The following METTL25 variants were observed in gnomAD, a reference collection of about 807,000 sequenced individuals.
The protein encoded by METTL25 is probable methyltransferase-like protein 25.
Under a neutral mutation model 71.6 loss-of-function variants are expected in METTL25, and 64 were observed. The ratio of observed to expected loss-of-function variants is 0.89; its 90% CI spans 0.73 to 1.10. The LOEUF (loss-of-function observed/expected upper bound fraction) is 1.10, where lower values mean the gene tolerates loss of function less well. Among genes scored for constraint, METTL25 ranks in the 50% least tolerant of loss-of-function variants. The probability of loss-of-function intolerance (pLI) is 0.00; values close to 1 mark genes in which losing one functional copy is unlikely to be tolerated. For synonymous variants in METTL25, 287 were observed against 250.3 expected, an observed-to-expected ratio of 1.15 and a Z score of -1.38; for missense variants, 807 against 707.0, an observed-to-expected ratio of 1.14 and a Z score of -1.60.
chr12:82,369,306 C>T, intron 1 of METTL25: 1 of 262,064 alleles, frequency 3.8e-6, no homozygotes, highest in Non-Finnish European at 7.7e-6. Context: ...TCCAGTGTGT[C>T]CTGGTGTGTA....
At chr12:82,361,158 G>A (rs1881815437) in intron 1 of METTL25, among the ~76,000 whole-genome samples, 1 of 152,126 alleles carries the variant, frequency 6.6e-6, no homozygotes, top group Admixed American at 6.5e-5. Context: ...GGTGCTGATT[G>A]GTGCATTTAC....
intron 1 of METTL25, among the ~76,000 whole-genome samples, chr12:82,370,630 A>G (rs1157472501): frequency 3.3e-5 from 5 of 152,190 alleles, no homozygotes; most frequent in African/African-American, 9.6e-5. Flanking sequence ...AAGACCTTCA[A>G]TTATCAATTA....
At chr12:82,429,086 T>C (rs1262094505) in intron 5 of METTL25, among the ~76,000 whole-genome samples, 1 of 151,806 alleles carries the variant, frequency 6.6e-6, no homozygotes, top group African/African-American at 2.4e-5. Flanking sequence ...ATATACAATA[T>C]ATTGTTGTTA....
chr12:82,402,587 A>G (rs1886725833), intron 4 of METTL25, among the ~76,000 whole-genome samples: 1 of 152,216 alleles, frequency 6.6e-6, no homozygotes, highest in African/African-American at 2.4e-5. Context: ...TATTACTATG[A>G]AAATAAAAAC....
At chr12:82,471,987 A>T (rs898690980) in intron 9 of METTL25, among the ~76,000 whole-genome samples, 4 of 152,026 alleles carry the variant, frequency 2.6e-5, no homozygotes, top group Non-Finnish European at 5.9e-5. Flanking sequence ...CTTAATATGA[A>T]TTTTTCCTAT....
intron 1 of METTL25, among the ~76,000 whole-genome samples, chr12:82,386,085 T>C (rs1372256424): frequency 6.6e-6 from 1 of 152,124 alleles, no homozygotes; most frequent in Non-Finnish European, 1.5e-5. Context: ...CACACTAAGC[T>C]TATAGAAAGT....
intron 3 of METTL25, among the ~76,000 whole-genome samples, chr12:82,396,855 TTTTCA>T (rs549850361): frequency 1.6e-3 from 251 of 152,252 alleles, no homozygotes; most frequent in South Asian, 4.8e-3. Flanking sequence ...GTATGTAGAC[TTTTCA>T]TTTCAGTTCT....
intron 9 of METTL25, chr12:82,476,240 A>G (rs1892871731): frequency 6.2e-6 from 1 of 161,594 alleles, no homozygotes; most frequent in Non-Finnish European, 1.3e-5. Flanking sequence ...AACATATGCC[A>G]TTGTGTTCCT....
chr12:82,358,579 G>C lies in METTL25; in HGVS notation c.14G>C (p.Cys5Ser). Residue 5 changes from cysteine (C) to serine (S), a missense_variant, in exon 1 of 12, where the codon TGC (cysteine) becomes TCC (serine). Coordinates refer to ENST00000248306, the MANE Select transcript of METTL25 (RefSeq NM_032230.3). MAAS[C>S]PLPVTPDLPT... ...AGGGTGAGCGTCATGGCGGCTTCTT[G>C]CCCTCTCCCGGTGACCCCGGACCTG... The C allele has an allele frequency of 6.2e-7, 1 of 1,611,458 alleles. No individual in the cohort carries two copies. Among genetic ancestry groups the C allele is most frequent in the Non-Finnish European group, 8.5e-7 (1 of 1,179,872 alleles).
intron 5 of METTL25, among the ~76,000 whole-genome samples, chr12:82,428,094 A>AT (rs1237938666): frequency 6.6e-6 from 1 of 151,948 alleles, no homozygotes; most frequent in Non-Finnish European, 1.5e-5. Flanking sequence ...CAGAAAAGAA[A>AT]TTAAGTAAGC....
At chr12:82,364,177 G>A (rs961904134) in intron 1 of METTL25, among the ~76,000 whole-genome samples, 4 of 152,192 alleles carry the variant, frequency 2.6e-5, no homozygotes, top group African/African-American at 9.7e-5. Flanking sequence ...GGGATCTTAA[G>A]AGGTCACAGT....
intron 6 of METTL25, among the ~76,000 whole-genome samples, 155 bp downstream of exon 6, chr12:82,431,142 T>C (rs1459267079): frequency 6.6e-6 from 1 of 151,494 alleles, no homozygotes; most frequent in Non-Finnish European, 1.5e-5. Flanking sequence ...TGACTTGCCC[T>C]TTAAACAATA....
chr12:82,449,476 T>C (rs1282657556), intron 8 of METTL25, among the ~76,000 whole-genome samples: 1 of 152,214 alleles, frequency 6.6e-6, no homozygotes, highest in Non-Finnish European at 1.5e-5. Context: ...TTTGTGTGTT[T>C]TCTTGGAGTT....
At chr12:82,376,781 AG>A (rs34076512) in intron 1 of METTL25, among the ~76,000 whole-genome samples, 8 of 152,010 alleles carry the variant, frequency 5.3e-5, no homozygotes, top group Non-Finnish European at 1.2e-4. Context: ...TACTTTTTGG[AG>A]GGGGAGAGTC....
intron 6 of METTL25, among the ~76,000 whole-genome samples, chr12:82,431,258 T>G (rs1442959896): frequency 6.6e-6 from 1 of 151,520 alleles, no homozygotes; most frequent in African/African-American, 2.4e-5. Context: ...TGGTTTGTGT[T>G]TCTTTATAGC....
At chr12:82,362,726 G>C (rs1714321354) in intron 1 of METTL25, among the ~76,000 whole-genome samples, 1 of 152,218 alleles carries the variant, frequency 6.6e-6, no homozygotes, top group Non-Finnish European at 1.5e-5. Context: ...GTGGAGAAGA[G>C]AAGGTAAGAA....
At position 82,386,922 on chromosome 12, in the gene METTL25, G is replaced by T. The variant is rs753794756; in HGVS notation, c.379G>T (p.Glu127Ter). 1.2e-6 allele frequency: 2 copies of T among 1,613,354 alleles called. No individual in the cohort carries two copies. Among genetic ancestry groups the T allele is most frequent in the East Asian group, 4.5e-5 (2 of 44,842 alleles). The change falls in exon 2 of 12, where the codon GAA becomes TAA. Residue 127 changes from glutamate to a stop codon, truncating the protein, a stop_gained. Transcript: ENST00000248306. LOFTEE classifies it high-confidence loss of function. ...AAACTTGGGAATATGTACTCCTTTTGAACAGTTGCTTGTAGCCCTTCGAGG... is the reference window on the plus strand; with the variant it reads ...AAACTTGGGAATATGTACTCCTTTTTAACAGTTGCTTGTAGCCCTTCGAGG... Reference protein sequence around the residue: ...VQNLGICTPFEQLLVALRGNQ... With the variant: ...VQNLGICTPF
chr12:82,439,443 G>A (rs1193446389), intron 8 of METTL25, among the ~76,000 whole-genome samples: 2 of 151,750 alleles, frequency 1.3e-5, no homozygotes, highest in Non-Finnish European at 2.9e-5. Flanking sequence ...GATTCTGATA[G>A]TTATTTGGTA....
At chr12:82,360,233 T>G (rs1881655273) in intron 1 of METTL25, among the ~76,000 whole-genome samples, 1 of 152,202 alleles carries the variant, frequency 6.6e-6, no homozygotes. Flanking sequence ...AGAGTCAGAT[T>G]GTCTTACATA....
Sources: gnomAD v4.1 joint callset for allele counts (sites outside exome capture counted in the v4.1 genomes callset) on GRCh38, gnomAD v4.1.1 for gene constraint, MANE v1.5 for transcripts, NCBI Gene and HGNC (gene_info 2026-07-23, HGNC 2026-07-21) for gene names.